The following RNF217 variants were observed in gnomAD, a reference collection of about 807,000 sequenced individuals.
RNF217 encodes ring finger protein 217, also known as E3 ubiquitin-protein ligase RNF217.
In RNF217, 31 loss-of-function variants were observed where a neutral mutation model predicts 57.8. That is an observed-to-expected ratio of 0.54 (90% CI 0.40 to 0.72). RNF217 has a LOEUF of 0.72. Among genes scored for constraint, RNF217 ranks in the 30% least tolerant of loss-of-function variants. The pLI is 0.00. For synonymous variants in RNF217, 313 were observed against 294.0 expected, an observed-to-expected ratio of 1.06 and a Z score of -0.66; for missense variants, 696 against 708.3, an observed-to-expected ratio of 0.98 and a Z score of 0.20.
At chr6:124,964,726 G>C (rs1235344413) in intron 1 of RNF217, among the ~76,000 whole-genome samples, 1 of 152,216 alleles carries the variant, frequency 6.6e-6, no homozygotes, top group Non-Finnish European at 1.5e-5. Flanking sequence ...TATCTACAGA[G>C]ATTCTTAAAA....
chr6:125,081,311 C>T (rs948930796), intron 4 of RNF217, 125 bp from the exon 5 acceptor site: 2 of 651,750 alleles, frequency 3.1e-6, no homozygotes, highest in Non-Finnish European at 5.3e-6. Flanking sequence ...TAGATATATA[C>T]AGCCTTAAGT....
chr6:125,020,030 T>C (rs895620743), intron 1 of RNF217, among the ~76,000 whole-genome samples: 2 of 152,126 alleles, frequency 1.3e-5, no homozygotes, highest in African/African-American at 2.4e-5. Context: ...GGTGCTGGTC[T>C]CTCTTGGTGC....
At chr6:124,964,751 G>T (rs1245326504) in intron 1 of RNF217, among the ~76,000 whole-genome samples, 1 of 152,214 alleles carries the variant, frequency 6.6e-6, no homozygotes, top group Non-Finnish European at 1.5e-5. Flanking sequence ...AGGAATGTCT[G>T]CTGCTGGTTG....
intron 1 of RNF217, among the ~76,000 whole-genome samples, chr6:125,024,384 A>C (rs1785983401): frequency 6.6e-6 from 1 of 151,856 alleles, no homozygotes; most frequent in South Asian, 2.1e-4. Flanking sequence ...GGAGTTCGAG[A>C]CCACCCTGAG....
intron 2 of RNF217, chr6:125,046,613 G>T (rs1241666404): frequency 4.4e-6 from 2 of 455,910 alleles, no homozygotes; most frequent in Non-Finnish European, 8.8e-6. Context: ...ACAGCAAAAT[G>T]GCAGGATGAA....
intron 1 of RNF217, chr6:125,009,366 T>G (rs1486365530): frequency 3.4e-6 from 3 of 872,218 alleles, no homozygotes; most frequent in Non-Finnish European, 5.8e-6. Flanking sequence ...TGTGAAGCCC[T>G]CTCACAGACA....
At chr6:125,008,543 C>A (rs1785283040) in intron 1 of RNF217, among the ~76,000 whole-genome samples, 1 of 152,138 alleles carries the variant, frequency 6.6e-6, no homozygotes, top group African/African-American at 2.4e-5. Context: ...TGGAGTGATT[C>A]TTTCTCCACC....
At chr6:125,008,291 C>G (rs577250507) in intron 1 of RNF217, among the ~76,000 whole-genome samples, 1 of 151,920 alleles carries the variant, frequency 6.6e-6, no homozygotes, top group Admixed American at 6.6e-5. Context: ...TGGTCTCTCT[C>G]AAAATATCTT....
chr6:125,039,328 C>T (rs1033337846), intron 1 of RNF217, among the ~76,000 whole-genome samples: 3 of 151,850 alleles, frequency 2.0e-5, no homozygotes, highest in East Asian at 1.9e-4. Context: ...GACCTTAAAC[C>T]AACAAAGATC....
chr6:125,058,619 A>G (rs1787610967), intron 3 of RNF217, among the ~76,000 whole-genome samples: 1 of 152,128 alleles, frequency 6.6e-6, no homozygotes, highest in African/African-American at 2.4e-5. Context: ...GGACTTAGGG[A>G]TTTTATGAAT....
chr6:124,989,033 A>T (rs1455331321), intron 1 of RNF217, among the ~76,000 whole-genome samples: 1 of 152,246 alleles, frequency 6.6e-6, no homozygotes, highest in Admixed American at 6.5e-5. Flanking sequence ...TTTTATAAGC[A>T]TATATCTGCT....
intron 2 of RNF217, chr6:125,048,152 G>C: frequency 7.6e-7 from 1 of 1,312,486 alleles, no homozygotes; most frequent in Non-Finnish European, 1.0e-6. Flanking sequence ...GGTATTATAG[G>C]TAAGGAGAGC....
chr6:125,060,356 TACACACACAC>T (rs71706851), intron 3 of RNF217, among the ~76,000 whole-genome samples: 2 of 150,128 alleles, frequency 1.3e-5, no homozygotes, highest in Non-Finnish European at 3.0e-5. Flanking sequence ...TATATGTGTA[TACACACACAC>T]ACACACACAC....
chr6:124,984,541 CAAA>C (rs750251821), intron 1 of RNF217, among the ~76,000 whole-genome samples: 7 of 74,216 alleles, frequency 9.4e-5, no homozygotes, highest in Non-Finnish European at 1.1e-4. Context: ...GACCCTTTCT[CAAA>C]AAAAAAAAAA....
intron 3 of RNF217, among the ~76,000 whole-genome samples, chr6:125,065,832 G>GCA (rs1303044311): frequency 6.6e-6 from 1 of 152,152 alleles, no homozygotes; most frequent in African/African-American, 2.4e-5. Context: ...GGCTCAGTCG[G>GCA]TAGGCAAATC....
intron 1 of RNF217, among the ~76,000 whole-genome samples, chr6:125,039,565 G>A (rs1054242440): frequency 1.3e-5 from 2 of 152,056 alleles, no homozygotes; most frequent in African/African-American, 4.8e-5. Context: ...CAAGGACATT[G>A]AGGACTTGAA....
intron 1 of RNF217, chr6:125,009,352 C>T: frequency 3.0e-6 from 3 of 1,008,214 alleles, no homozygotes; most frequent in Admixed American, 1.8e-5. Flanking sequence ...TTCAAAACAC[C>T]TCCTGTGAAG....
chr6:124,967,437 A>C (rs1384268290), intron 1 of RNF217, among the ~76,000 whole-genome samples: 1 of 152,256 alleles, frequency 6.6e-6, no homozygotes, highest in African/African-American at 2.4e-5. Context: ...TGAAATATTA[A>C]TATTTAGTAC....
chr6:125,034,229 G>A (rs1184238713), intron 1 of RNF217, among the ~76,000 whole-genome samples: 3 of 152,172 alleles, frequency 2.0e-5, no homozygotes, highest in African/African-American at 7.2e-5. Context: ...TTTTTCTTTT[G>A]TTGCCATTGC....
Sources: allele counts gnomAD v4.1 joint callset (sites outside exome capture counted in the v4.1 genomes callset), GRCh38; gene constraint gnomAD v4.1.1; transcripts MANE v1.5; gene names NCBI Gene and HGNC (gene_info 2026-07-23, HGNC 2026-07-21).